The following CCDC3 variants were observed in gnomAD, a reference collection of about 807,000 sequenced individuals.
The protein encoded by CCDC3 is coiled-coil domain-containing protein 3.
In CCDC3, 24 loss-of-function variants were observed where a neutral mutation model predicts 21.4. That is an observed-to-expected ratio of 1.12 (90% CI 0.81 to 1.58). The LOEUF (loss-of-function observed/expected upper bound fraction) is 1.58. Ranked by LOEUF, CCDC3 falls within the 40% of genes most tolerant of loss-of-function variation. CCDC3 has a pLI of 0.00. For missense variants in CCDC3, 425 were observed against 360.9 expected (o/e 1.18, Z -1.44); for synonymous variants, 186 against 166.0 (o/e 1.12, Z -0.93).
intron 3 of CCDC3, among the ~76,000 whole-genome samples, chr10:13,091,688 C>T (rs961802787): frequency 1.3e-5 from 2 of 152,226 alleles, no homozygotes; most frequent in African/African-American, 4.8e-5. Context: ...AAGTTCTCTC[C>T]CCTCCATCTG....
intron 4 of CCDC3, among the ~76,000 whole-genome samples, chr10:13,051,200 A>G (rs1368153451): frequency 6.6e-6 from 1 of 152,008 alleles, no homozygotes; most frequent in Non-Finnish European, 1.5e-5. Context: ...ACTCTATTCT[A>G]TCTTATTTAT....
At chr10:12,952,554 G>A (rs573113881) in intron 2 of CCDC3, among the ~76,000 whole-genome samples, 7 of 152,118 alleles carry the variant, frequency 4.6e-5, no homozygotes, top group South Asian at 2.1e-4. Context: ...CTTCACAGCC[G>A]AGTTCCCCTC....
chr10:13,070,044 T>G (rs1175902314), intron 4 of CCDC3, among the ~76,000 whole-genome samples: 2 of 152,212 alleles, frequency 1.3e-5, no homozygotes, highest in Non-Finnish European at 2.9e-5. Flanking sequence ...ATGAAATGTT[T>G]ATGAATATCA....
At chr10:13,061,731 G>A (rs928646579) in intron 4 of CCDC3, among the ~76,000 whole-genome samples, 6 of 152,218 alleles carry the variant, frequency 3.9e-5, no homozygotes, top group African/African-American at 1.2e-4. Flanking sequence ...GGTTGAGTTT[G>A]TCTAAAGACC....
intron 2 of CCDC3, among the ~76,000 whole-genome samples, chr10:12,975,746 G>A (rs992011744): frequency 2.0e-5 from 3 of 152,304 alleles, no homozygotes; most frequent in African/African-American, 7.2e-5. Flanking sequence ...CATATAACCA[G>A]CAACTTTCAC....
intron 2 of CCDC3, among the ~76,000 whole-genome samples, chr10:12,907,903 A>G (rs1834199792): frequency 6.6e-6 from 1 of 152,192 alleles, no homozygotes. Context: ...TAAGTGCAGG[A>G]GAAGGGATCA....
chr10:13,050,233 G>T (rs1334152110), intron 4 of CCDC3, among the ~76,000 whole-genome samples: 3 of 152,126 alleles, frequency 2.0e-5, no homozygotes, highest in Non-Finnish European at 2.9e-5. Flanking sequence ...CTGTGTGTGT[G>T]TCTGTGCTGA....
intron 5 of CCDC3, among the ~76,000 whole-genome samples, chr10:13,048,019 G>C (rs529665514): frequency 6.6e-6 from 1 of 152,254 alleles, no homozygotes; most frequent in Admixed American, 6.5e-5. Flanking sequence ...GGAGCAAGTA[G>C]GGGAATAGTC....
chr10:12,930,711 T>G (rs1834625124), intron 2 of CCDC3, among the ~76,000 whole-genome samples: 1 of 152,084 alleles, frequency 6.6e-6, no homozygotes, highest in Non-Finnish European at 1.5e-5. Flanking sequence ...TGCTCCTGGG[T>G]CAGTGGGCAG....
chr10:12,933,381 G>A (rs943497194), intron 2 of CCDC3, among the ~76,000 whole-genome samples: 8 of 151,568 alleles, frequency 5.3e-5, no homozygotes, highest in African/African-American at 1.9e-4. Context: ...TTAACAAATT[G>A]TGCCTTTTAA....
chr10:12,995,642 C>T (rs1024081394), intron 2 of CCDC3, among the ~76,000 whole-genome samples: 1 of 152,146 alleles, frequency 6.6e-6, no homozygotes, highest in Non-Finnish European at 1.5e-5. Context: ...CAGAGTCCCT[C>T]AGATTGAACT....
intron 5 of CCDC3, among the ~76,000 whole-genome samples, chr10:13,011,214 C>T (rs1399853305): frequency 1.3e-5 from 2 of 149,328 alleles, no homozygotes; most frequent in African/African-American, 2.4e-5. Context: ...GTGACAAAGG[C>T]GGCATCGAAA....
At chr10:13,084,287 C>CTTTTT (rs61688783) in intron 3 of CCDC3, among the ~76,000 whole-genome samples, 4 of 102,212 alleles carry the variant, frequency 3.9e-5, no homozygotes, top group Non-Finnish European at 6.9e-5. Context: ...CTTTTCTTTT[C>CTTTTT]TTTTTTTTTT....
intron 3 of CCDC3, among the ~76,000 whole-genome samples, chr10:13,094,739 C>T (rs1832611804): frequency 6.6e-6 from 1 of 151,920 alleles, no homozygotes; most frequent in Non-Finnish European, 1.5e-5. Flanking sequence ...TGGTGCATGC[C>T]TATAGTCCCA....
At chr10:13,028,572 C>T (rs1236543523) in intron 5 of CCDC3, among the ~76,000 whole-genome samples, 1 of 151,910 alleles carries the variant, frequency 6.6e-6, no homozygotes, top group Admixed American at 6.6e-5. Flanking sequence ...ATAGAGCACC[C>T]ACAGATGACA....
rs3232 is a variant in CCDC3 at position 12,896,754 on chromosome 10, C to T, written c.*1662G>A. ...TAGGCTGACCATTCCCTTGCGGGGG[C>T]GCAAAACTGCTTTGAGGAAATGTCC... On this transcript the variant is annotated 3_prime_UTR_variant, in exon 3 of 3. Transcript: ENST00000378825. 32,585 of 152,728 alleles carry T rather than the reference C, an allele frequency of 0.21. 4,283 individuals carry two copies. Among genetic ancestry groups the T allele is most frequent in the Non-Finnish European group, 0.3 (20,251 of 68,102 alleles). The allele number at this position is 152,728 out of a possible 1,614,324, so 9.5% of individuals were successfully genotyped here.
At chr10:13,044,304 T>C (rs1322167812) in intron 5 of CCDC3, among the ~76,000 whole-genome samples, 1 of 152,176 alleles carries the variant, frequency 6.6e-6, no homozygotes, top group Non-Finnish European at 1.5e-5. Flanking sequence ...TTCCGTAGGT[T>C]GTCTGTTTAT....
intron 5 of CCDC3, among the ~76,000 whole-genome samples, chr10:13,042,682 G>A (rs1207578300): frequency 6.6e-6 from 1 of 151,648 alleles, no homozygotes; most frequent in Non-Finnish European, 1.5e-5. Flanking sequence ...GCTGAGGTGG[G>A]CGGATCACGA....
intron 4 of CCDC3, among the ~76,000 whole-genome samples, chr10:13,052,296 C>T (rs1218141824): frequency 2.6e-5 from 4 of 151,970 alleles, no homozygotes; most frequent in Non-Finnish European, 5.9e-5. Flanking sequence ...TCGCTCAAGC[C>T]CAGGAGTTTG....
Sources: gnomAD v4.1 joint callset for allele counts (sites outside exome capture counted in the v4.1 genomes callset) on GRCh38, gnomAD v4.1.1 for gene constraint, MANE v1.5 for transcripts, NCBI Gene and HGNC (gene_info 2026-07-23, HGNC 2026-07-21) for gene names.